Variants in GSE1 observed in about 807,000 individuals in gnomAD.
The protein encoded by GSE1 is Gse1 coiled-coil protein.
GSE1 carries 32 observed loss-of-function variants against 112.6 expected under a neutral mutation model. The observed-to-expected ratio is 0.28, with a 90% CI of 0.21 to 0.38. GSE1 has a LOEUF of 0.38. Among genes scored for constraint, GSE1 ranks in the 10% least tolerant of loss-of-function variants. The pLI is 1.00. For missense variants in GSE1, 2,348 were observed against 1,699.2 expected (o/e 1.38, Z -6.71); for synonymous variants, 1,115 against 735.6 (o/e 1.52, Z -8.35).
chr16:85,661,140 C>T lies in GSE1; in HGVS notation c.1641-6C>T. 6.4e-7 allele frequency: 1 copy of T among 1,572,738 alleles called. No individual in the cohort carries two copies. The highest frequency in any genetic ancestry group is 8.7e-7 in the Non-Finnish European group (1 of 1,153,278). Reference sequence around the variant, plus strand: ...CCCTGACTGAAGGGTTGGTTTCACTCCCTAGGCCAGGACCAAACCGTCACG... The same window carrying T: ...CCCTGACTGAAGGGTTGGTTTCACTTCCTAGGCCAGGACCAAACCGTCACG... On this transcript the variant is annotated splice_polypyrimidine_tract_variant and splice_region_variant and intron_variant, in intron 8 of 15. Transcript: ENST00000253458.
intron 1 of GSE1, among the ~76,000 whole-genome samples, chr16:85,328,077 G>A (rs2046262388): frequency 6.6e-6 from 1 of 152,204 alleles, no homozygotes; most frequent in Non-Finnish European, 1.5e-5. Flanking sequence ...CCTTATGTTG[G>A]CCACACAGCA....
intron 1 of GSE1, among the ~76,000 whole-genome samples, chr16:85,586,581 C>T (rs2046705887): frequency 1.3e-5 from 2 of 152,352 alleles, no homozygotes; most frequent in South Asian, 4.1e-4. Context: ...TGCCAGGCCG[C>T]ATGGCCAAGA....
intron 2 of GSE1, among the ~76,000 whole-genome samples, chr16:85,369,259 A>C (rs1363362900): frequency 6.6e-6 from 1 of 151,840 alleles, no homozygotes; most frequent in Non-Finnish European, 1.5e-5. Flanking sequence ...TCTGTGGCCC[A>C]GGCTGGAGTG....
At chr16:85,196,784 G>A (rs747538078) in intron 1 of GSE1, among the ~76,000 whole-genome samples, 8 of 152,104 alleles carry the variant, frequency 5.3e-5, no homozygotes, top group Non-Finnish European at 1.0e-4. Context: ...TTTAGACGGG[G>A]CGGGGGGGCC....
At chr16:85,445,949 A>G (rs2049499872) in intron 2 of GSE1, among the ~76,000 whole-genome samples, 2 of 152,210 alleles carry the variant, frequency 1.3e-5, no homozygotes, top group African/African-American at 4.8e-5. Flanking sequence ...CATCTGTGAA[A>G]TGGGCAAATA....
rs1298743755 is a variant in GSE1, at chr16:85,373,666, G to A, written c.2464+16023G>A. On this transcript the variant is annotated intron_variant, in intron 2 of 2. Coordinates refer to the GSE1 transcript ENST00000637419. The surrounding 1 kb of genome is among the most constrained non-coding windows in gnomAD (Gnocchi z 5.1). ...GCCACGGCCTGGAAGAGTCCGCTCA[G>A]AGCAGGTGCTCCAGGGAGATTCTGG... Among the ~76,000 whole-genome samples, 1 of 152,174 alleles carries A rather than the reference G, an allele frequency of 6.6e-6. No homozygotes were observed. Among genetic ancestry groups the A allele is most frequent in the Non-Finnish European group, 1.5e-5 (1 of 68,028 alleles).
intron 2 of GSE1, among the ~76,000 whole-genome samples, chr16:85,399,941 GGGGGCTGTGCCCT>G (rs1399860988): frequency 6.6e-6 from 1 of 152,196 alleles, no homozygotes; most frequent in Non-Finnish European, 1.5e-5. Context: ...CCCAGCTACA[GGGGGCTGTGCCCT>G]GGAGCTGCGC....
chr16:85,474,227 G>A (rs1398978875), intron 2 of GSE1, among the ~76,000 whole-genome samples: 1 of 152,046 alleles, frequency 6.6e-6, no homozygotes, highest in Non-Finnish European at 1.5e-5. Flanking sequence ...CAGAGGTTTG[G>A]GCTCTCCATG....
chr16:85,288,606 G>A (rs1322291845), intron 1 of GSE1, among the ~76,000 whole-genome samples: 1 of 152,232 alleles, frequency 6.6e-6, no homozygotes, highest in Non-Finnish European at 1.5e-5. Context: ...CCCTTCTGTG[G>A]GGAGACACCC....
chr16:85,517,557 G>A (rs796607245), intron 2 of GSE1, among the ~76,000 whole-genome samples: 7 of 152,274 alleles, frequency 4.6e-5, no homozygotes, highest in African/African-American at 1.4e-4. Flanking sequence ...GAGAGTGGAA[G>A]TGGCTGCCTG....
At chr16:85,458,874 A>G (rs1468218056) in intron 2 of GSE1, among the ~76,000 whole-genome samples, 1 of 151,992 alleles carries the variant, frequency 6.6e-6, no homozygotes, top group Non-Finnish European at 1.5e-5. Context: ...CCCTCCATCT[A>G]AGGCCAGAGG....
At chr16:85,348,164 A>G (rs2046781081) in intron 1 of GSE1, among the ~76,000 whole-genome samples, 1 of 151,844 alleles carries the variant, frequency 6.6e-6, no homozygotes, top group Middle Eastern at 3.4e-3. Flanking sequence ...TCCATCCATC[A>G]TCCATCCACC....
At chr16:85,487,897 CG>C (rs987520205) in intron 2 of GSE1, among the ~76,000 whole-genome samples, 1 of 152,170 alleles carries the variant, frequency 6.6e-6, no homozygotes, top group Non-Finnish European at 1.5e-5. Flanking sequence ...AAGGGTGGTT[CG>C]GGGCAAGGGT....
At chr16:85,289,115 T>A (rs2045128938) in intron 1 of GSE1, among the ~76,000 whole-genome samples, 1 of 152,202 alleles carries the variant, frequency 6.6e-6, no homozygotes, top group African/African-American at 2.4e-5. Context: ...AAATAATCTT[T>A]GGCACAGCCC....
rs761935742 is a variant in GSE1 at position 85,273,085 on chromosome 16, C to T, written c.2284-84378C>T. On this transcript the variant is annotated intron_variant, in intron 1 of 2. Coordinates refer to the GSE1 transcript ENST00000637419. ...GCCACTGTGCCCAGCCCATGGGGGC[C>T]CTACTTGTTCTCAGGGAAGAATTGA... Among the ~76,000 whole-genome samples the T allele has an allele frequency of 4.5e-4, 69 of 152,290 alleles. 1 individual carries two copies. The highest frequency in any genetic ancestry group is 2.3e-3 in the Admixed American group (35 of 15,290).
intron 1 of GSE1, 80 bp from the exon 2 acceptor site, chr16:85,633,834 C>CACCGGCCCT (rs974486336): frequency 9.0e-7 from 1 of 1,106,216 alleles, no homozygotes; most frequent in African/African-American, 1.6e-5. Flanking sequence ...CTGCTGCTGA[C>CACCGGCCCT]ACCGGCCCTG....
chr16:85,195,236 T>C (rs1292338696), intron 1 of GSE1, among the ~76,000 whole-genome samples: 1 of 152,168 alleles, frequency 6.6e-6, no homozygotes, highest in Non-Finnish European at 1.5e-5. Context: ...GGGGCGGTAA[T>C]AAGCCACTGT....
At chr16:85,220,392 G>A (rs1349125586) in intron 1 of GSE1, among the ~76,000 whole-genome samples, 1 of 152,180 alleles carries the variant, frequency 6.6e-6, no homozygotes, top group Non-Finnish European at 1.5e-5. Flanking sequence ...GGGCGGCGGC[G>A]CAGATGGAAA....
At chr16:85,466,701 TAGAGAGAG>T (rs1457679056) in intron 2 of GSE1, among the ~76,000 whole-genome samples, 1 of 131,266 alleles carries the variant, frequency 7.6e-6, no homozygotes, top group African/African-American at 3.6e-5. Flanking sequence ...TATATATATA[TAGAGAGAG>T]AGAGGGAGAG....
Sources: allele counts gnomAD v4.1 joint callset (sites outside exome capture counted in the v4.1 genomes callset), GRCh38; gene constraint gnomAD v4.1.1; non-coding constraint Gnocchi (gnomAD v3.1); transcripts MANE v1.5; gene names NCBI Gene and HGNC (gene_info 2026-07-23, HGNC 2026-07-21).